The following SNX7 variants were observed in gnomAD, a reference collection of about 807,000 sequenced individuals.
SNX7 encodes the protein sorting nexin-7.
Under a neutral mutation model 48.4 loss-of-function variants are expected in SNX7, and 35 were observed. The observed-to-expected ratio is 0.72, with a 90% confidence interval of 0.55 to 0.96. The LOEUF (loss-of-function observed/expected upper bound fraction) is 0.96. Among genes scored for constraint, SNX7 ranks in the 40% least tolerant of loss-of-function variants. The probability of loss-of-function intolerance (pLI) is 0.00; values close to 1 mark genes in which losing one functional copy is unlikely to be tolerated. For synonymous variants in SNX7, 190 were observed against 190.2 expected (o/e 1.00, Z 0.01); for missense variants, 553 against 548.9 (o/e 1.01, Z -0.07).
intron 7 of SNX7, among the ~76,000 whole-genome samples, chr1:98,709,415 A>G (rs141290723): frequency 5.2e-4 from 79 of 152,290 alleles, no homozygotes; most frequent in African/African-American, 1.7e-3. Context: ...GCAGTTGCAT[A>G]GATACTTTAA....
At chr1:98,687,178 C>A (rs1463894324) in intron 2 of SNX7, among the ~76,000 whole-genome samples, 2 of 151,890 alleles carry the variant, frequency 1.3e-5, no homozygotes, top group East Asian at 3.9e-4. Flanking sequence ...TATGATTTAC[C>A]CCCATTTCAT....
At chr1:98,666,797 G>A (rs1304092259) in intron 1 of SNX7, among the ~76,000 whole-genome samples, 1 of 152,142 alleles carries the variant, frequency 6.6e-6, no homozygotes, top group East Asian at 1.9e-4. Context: ...GGGAATGTAG[G>A]TTTCGTGTTG....
At chr1:98,729,849 A>G (rs1257006687) in intron 7 of SNX7, among the ~76,000 whole-genome samples, 1 of 152,158 alleles carries the variant, frequency 6.6e-6, no homozygotes, top group Non-Finnish European at 1.5e-5. Flanking sequence ...GGCTGTTACC[A>G]TTTTTACTGA....
intron 7 of SNX7, 89 bp from the exon 8 acceptor site, chr1:98,738,148 T>G: frequency 7.4e-7 from 1 of 1,343,198 alleles, no homozygotes; most frequent in Non-Finnish European, 1.0e-6. Flanking sequence ...TTTAGGCTGT[T>G]TTGGTATTTT....
At chr1:98,759,863 T>C (rs1655027254) in intron 8 of SNX7, among the ~76,000 whole-genome samples, 191 bp from the exon 9 acceptor site, 1 of 152,046 alleles carries the variant, frequency 6.6e-6, no homozygotes, top group African/African-American at 2.4e-5. Context: ...TAATATGTTT[T>C]CCCCTTACTT....
intron 1 of SNX7, among the ~76,000 whole-genome samples, chr1:98,682,879 C>T (rs576473439): frequency 2.6e-5 from 4 of 152,250 alleles, no homozygotes; most frequent in African/African-American, 9.6e-5. Flanking sequence ...CACTGCCTGC[C>T]TGTATCCTTC....
intron 6 of SNX7, among the ~76,000 whole-genome samples, chr1:98,701,106 G>A (rs946528877): frequency 5.3e-5 from 8 of 152,058 alleles, no homozygotes; most frequent in African/African-American, 1.9e-4. Flanking sequence ...ATCACTTAAA[G>A]ACATTGTAAA....
intron 8 of SNX7, among the ~76,000 whole-genome samples, chr1:98,741,794 T>C (rs1371477766): frequency 1.3e-5 from 2 of 152,192 alleles, no homozygotes; most frequent in Non-Finnish European, 2.9e-5. Flanking sequence ...GCTTTGTTGC[T>C]GTCAATGCTG....
At chr1:98,703,596 A>C (rs1383102258) in intron 7 of SNX7, among the ~76,000 whole-genome samples, 1 of 151,982 alleles carries the variant, frequency 6.6e-6, no homozygotes, top group African/African-American at 2.4e-5. Context: ...AGAACCCCAG[A>C]TTAACCTTTT....
At chr1:98,680,107 A>G (rs1433148926) in intron 1 of SNX7, among the ~76,000 whole-genome samples, 3 of 152,212 alleles carry the variant, frequency 2.0e-5, no homozygotes, top group Admixed American at 6.5e-5. Flanking sequence ...TCTGAAATCT[A>G]GGTGGAGGTT....
chr1:98,661,956 C>G, intron 1 of SNX7, 45 bp downstream of exon 1: 1 of 1,244,666 alleles, frequency 8.0e-7, no homozygotes. Context: ...CAAGGCAACT[C>G]CGGGCGTTGC....
intron 5 of SNX7, among the ~76,000 whole-genome samples, chr1:98,698,391 G>A (rs561420592): frequency 1.8e-4 from 27 of 152,264 alleles, no homozygotes; most frequent in Non-Finnish European, 3.2e-4. Context: ...CAGGTACTCA[G>A]ATATAGTTGT....
chr1:98,760,050 T>A lies in SNX7; in HGVS notation c.1279-4T>A, dbSNP rs1328155842. On this transcript the variant is annotated splice_polypyrimidine_tract_variant and splice_region_variant and intron_variant, in intron 8 of 8. Coordinates refer to ENST00000306121, the MANE Select transcript of SNX7 (RefSeq NM_015976.5). ...TTGCCTCATGGTGTGTTTCCATTAT[T>A]CAGTGCCTTGCTACGTGGGAGTCAT... 3 of 1,580,348 alleles carry A rather than the reference T, an allele frequency of 1.9e-6. No homozygotes were observed. The highest frequency in any genetic ancestry group is 2.6e-6 in the Non-Finnish European group (3 of 1,149,578).
At chr1:98,672,424 T>C (rs372836001) in intron 1 of SNX7, among the ~76,000 whole-genome samples, 8 of 149,820 alleles carry the variant, frequency 5.3e-5, no homozygotes, top group African/African-American at 2.0e-4. Flanking sequence ...TGGGAGGCAC[T>C]GAAAATCACC....
chr1:98,736,581 A>G (rs1051453184), intron 7 of SNX7, among the ~76,000 whole-genome samples: 1 of 152,212 alleles, frequency 6.6e-6, no homozygotes, highest in Non-Finnish European at 1.5e-5. Context: ...TCTCGCTGAT[A>G]TAGTTTGACC....
In SNX7 at chr1:98,695,523, C is replaced by G. The variant is rs1557803230; in HGVS notation, c.645C>G (p.Leu215=). The G allele has an allele frequency of 6.2e-7, 1 of 1,613,102 alleles. No homozygotes were observed. The highest frequency in any genetic ancestry group is 2.2e-5 in the East Asian group (1 of 44,862). ...ACTTGGTTTTTTGTTTCTAGGAACT[C>G]TCTTCTCACAAGAAGCAAGGTCCTG... ...KIFLTAQAWE[L]SSHKKQGPGL... Residue 215 remains leucine (L), a synonymous_variant, in exon 5 of 9, where the codon CTC becomes CTG. Transcript: ENST00000306121.
intron 1 of SNX7, among the ~76,000 whole-genome samples, chr1:98,666,028 C>G (rs1424765126): frequency 1.3e-5 from 2 of 152,072 alleles, no homozygotes; most frequent in Non-Finnish European, 2.9e-5. Context: ...TTATACTATT[C>G]ATCTATTCTA....
chr1:98,744,313 G>C (rs1654215881), intron 8 of SNX7, among the ~76,000 whole-genome samples: 1 of 151,970 alleles, frequency 6.6e-6, no homozygotes, highest in Non-Finnish European at 1.5e-5. Flanking sequence ...AAAGTGAAAA[G>C]AATGAAGCAG....
At chr1:98,696,484 T>G (rs972181681) in intron 5 of SNX7, among the ~76,000 whole-genome samples, 6 of 152,010 alleles carry the variant, frequency 3.9e-5, no homozygotes, top group African/African-American at 1.4e-4. Flanking sequence ...TTAATTAAAA[T>G]TTGTTCAGTG....
Sources: allele counts gnomAD v4.1 joint callset (sites outside exome capture counted in the v4.1 genomes callset), GRCh38; gene constraint gnomAD v4.1.1; transcripts MANE v1.5; gene names NCBI Gene and HGNC (gene_info 2026-07-23, HGNC 2026-07-21).